Variants in MAST4 observed in about 807,000 individuals in gnomAD.
The protein encoded by MAST4 is microtubule associated serine/threonine kinase family member 4.
In MAST4, 89 loss-of-function variants were observed where a neutral mutation model predicts 162.7. The observed-to-expected ratio is 0.55, with a 90% CI of 0.46 to 0.65. MAST4 has a LOEUF of 0.65. MAST4 is among the 30% of genes least tolerant of loss of function. The probability of loss-of-function intolerance (pLI) is 0.00; values close to 1 mark genes in which losing one functional copy is unlikely to be tolerated. For missense variants in MAST4, 3,153 were observed against 3,374.0 expected, an observed-to-expected ratio of 0.93 and a Z score of 1.62; for synonymous variants, 1,479 against 1,361.1, an observed-to-expected ratio of 1.09 and a Z score of -1.91.
At position 66,735,434 on chromosome 5, in the gene MAST4, TC is replaced by T. The variant is rs374378814; in HGVS notation, c.364-24273del. The stretch of plus-strand genomic sequence containing the variant: ...CTTTTATATGAACATATGTATTTTG[TC>T]CTCTGTGATATTTGGTATACAATAA... On this transcript the variant is annotated intron_variant, in intron 1 of 28. Transcript: ENST00000403625. Among the ~76,000 whole-genome samples, 123 of 152,338 alleles carry T rather than the reference TC, an allele frequency of 8.1e-4. 1 individual carries two copies. The highest frequency in any genetic ancestry group is 2.8e-3 in the African/African-American group (118 of 41,588).
At chr5:67,111,077 C>G (rs1443825897) in intron 11 of MAST4, among the ~76,000 whole-genome samples, 1 of 152,040 alleles carries the variant, frequency 6.6e-6, no homozygotes, top group Non-Finnish European at 1.5e-5. Context: ...AGTGATCATT[C>G]TCCTATTTAA....
At chr5:66,736,509 A>G (rs925841170) in intron 1 of MAST4, among the ~76,000 whole-genome samples, 5 of 152,202 alleles carry the variant, frequency 3.3e-5, no homozygotes, top group Admixed American at 3.3e-4. Context: ...GAAGAAAGGT[A>G]GCAACAATGA....
chr5:66,926,944 C>T (rs1764950705), intron 4 of MAST4, among the ~76,000 whole-genome samples: 1 of 151,950 alleles, frequency 6.6e-6, no homozygotes, highest in Admixed American at 6.6e-5. Flanking sequence ...GTTGCCAGAG[C>T]CTTCAGCTAT....
chr5:67,134,428 T>G, intron 17 of MAST4, 95 bp from the exon 18 acceptor site: 1 of 1,107,000 alleles, frequency 9.0e-7, no homozygotes, highest in Non-Finnish European at 1.3e-6. Context: ...GTTGAGCAGG[T>G]GCATTCTGGG....
At position 67,085,447 on chromosome 5, in the gene MAST4, T is replaced by C. The variant is rs80110665; in HGVS notation, c.764-4715T>C. Among the ~76,000 whole-genome samples, 1,081 of 152,284 alleles carry C rather than the reference T, an allele frequency of 7.1e-3. 9 individuals carry two copies. The highest frequency in any genetic ancestry group is 0.025 in the African/African-American group (1,045 of 41,564). On this transcript the variant is annotated intron_variant, in intron 5 of 28. Coordinates refer to ENST00000403625, the MANE Select transcript of MAST4 (RefSeq NM_001164664.2). The stretch of plus-strand genomic sequence containing the variant: ...AATAAAATCATGTTATCCCTCTCTA[T>C]AGAGTAGATGATTAGTAAATATTTG...
Position 67,095,789 on chromosome 5 carries a change from GTCTGCCAC to G in MAST4, c.912+119_912+126del, listed in dbSNP as rs559276400. On this transcript the variant is annotated intron_variant, in intron 7 of 28. Transcript: ENST00000403625. Reference sequence around the variant, plus strand: ...AGGGAGGAGAAGATAAATTCTGCATGTCTGCCACTCTGAATAAGTGACACATCAAATGA... The same window carrying G: ...AGGGAGGAGAAGATAAATTCTGCATGTCTGAATAAGTGACACATCAAATGA... 34 of 678,120 alleles carry G rather than the reference GTCTGCCAC, an allele frequency of 5.0e-5. No individual in the cohort carries two copies. The East Asian group carries it at 9.2e-4, about 18-fold the overall frequency. The allele number at this position is 678,120 out of a possible 1,614,324, so 42.0% of individuals were successfully genotyped here. A position where few individuals can be genotyped will look rare whatever the true frequency, so the allele number is the denominator to read the frequency against.
chr5:66,843,886 G>A (rs753137021), intron 3 of MAST4, among the ~76,000 whole-genome samples: 2 of 152,030 alleles, frequency 1.3e-5, no homozygotes, highest in Admixed American at 1.3e-4. Context: ...ACCCTCTTTC[G>A]TAGTTTCATG....
intron 3 of MAST4, among the ~76,000 whole-genome samples, chr5:66,839,997 A>T (rs1457738896): frequency 6.6e-6 from 1 of 152,082 alleles, no homozygotes; most frequent in Non-Finnish European, 1.5e-5. Context: ...GTTCTTGGGC[A>T]ACAAATGAGA....
At chr5:66,877,368 C>T (rs1290628563) in intron 3 of MAST4, among the ~76,000 whole-genome samples, 2 of 152,190 alleles carry the variant, frequency 1.3e-5, no homozygotes, top group South Asian at 2.1e-4. Flanking sequence ...TTCATCTGTA[C>T]AGCAACCTGA....
chr5:66,752,360 A>C (rs536358312), intron 1 of MAST4, among the ~76,000 whole-genome samples: 121 of 150,560 alleles, frequency 8.0e-4, no homozygotes, highest in African/African-American at 2.9e-3. Flanking sequence ...AAATTGGATA[A>C]AGAGTCCAGA....
intron 4 of MAST4, among the ~76,000 whole-genome samples, chr5:67,025,855 A>G (rs1325113543): frequency 6.6e-6 from 1 of 152,180 alleles, no homozygotes; most frequent in Admixed American, 6.5e-5. Context: ...TGGAAATGTG[A>G]CTGTGTCCCC....
chr5:66,635,953 T>G (rs1023196827), intron 1 of MAST4, among the ~76,000 whole-genome samples: 5 of 113,782 alleles, frequency 4.4e-5, no homozygotes, highest in African/African-American at 9.0e-5. Context: ...ACTGTTTTTT[T>G]TTTTTTTTTT....
chr5:66,985,235 T>A (rs1412384584), intron 4 of MAST4, among the ~76,000 whole-genome samples: 3 of 152,128 alleles, frequency 2.0e-5, no homozygotes, highest in Non-Finnish European at 4.4e-5. Context: ...GTGATGCTGA[T>A]CCTTCATTAG....
chr5:67,147,038 C>T (rs1310322399), intron 23 of MAST4, among the ~76,000 whole-genome samples: 12 of 151,994 alleles, frequency 7.9e-5, no homozygotes, highest in South Asian at 4.2e-4. Context: ...TGCTCACTAC[C>T]GGAAAGGTAG....
intron 3 of MAST4, among the ~76,000 whole-genome samples, chr5:66,809,652 C>T (rs1756380997): frequency 6.6e-6 from 1 of 152,054 alleles, no homozygotes; most frequent in Non-Finnish European, 1.5e-5. Context: ...AAAAATGATT[C>T]CTTTATCTCT....
At chr5:66,959,002 G>A (rs1745657350) in intron 4 of MAST4, 1 of 461,160 alleles carries the variant, frequency 2.2e-6, no homozygotes, top group African/African-American at 1.9e-5. Flanking sequence ...GATATGCAGA[G>A]CTGCAAGCCT....
intron 1 of MAST4, among the ~76,000 whole-genome samples, chr5:66,702,360 G>C (rs1043509734): frequency 6.6e-6 from 1 of 152,190 alleles, no homozygotes; most frequent in Admixed American, 6.5e-5. Context: ...CTCTCATGGA[G>C]CTGACATTAG....
intron 3 of MAST4, among the ~76,000 whole-genome samples, chr5:66,870,599 C>T (rs564002543): frequency 2.8e-4 from 43 of 152,022 alleles, no homozygotes; most frequent in African/African-American, 1.0e-3. Flanking sequence ...TTGCACATCA[C>T]ATGTGCTTTT....
intron 1 of MAST4, among the ~76,000 whole-genome samples, chr5:66,603,837 T>G (rs1742705532): frequency 6.6e-6 from 1 of 152,204 alleles, no homozygotes; most frequent in African/African-American, 2.4e-5. Context: ...TTTACACAAC[T>G]TTGCATCATT....
Sources: gnomAD v4.1 joint callset for allele counts (sites outside exome capture counted in the v4.1 genomes callset) on GRCh38, gnomAD v4.1.1 for gene constraint, MANE v1.5 for transcripts, NCBI Gene and HGNC (gene_info 2026-07-23, HGNC 2026-07-21) for gene names.